Variants in MYADML2 observed in about 807,000 individuals in gnomAD.
The protein encoded by MYADML2 is myeloid-associated differentiation marker-like protein 2.
A neutral mutation model predicts 16.0 loss-of-function variants in MYADML2; 17 were observed. The observed-to-expected ratio is 1.06, with a 90% CI of 0.73 to 1.60. The LOEUF (loss-of-function observed/expected upper bound fraction) is 1.60. Ranked by LOEUF, MYADML2 falls within the 40% of genes most tolerant of loss-of-function variation. MYADML2 has a pLI of 0.00. For missense variants in MYADML2, 422 were observed against 437.7 expected, an observed-to-expected ratio of 0.96 and a Z score of 0.32; for synonymous variants, 210 against 208.1, an observed-to-expected ratio of 1.01 and a Z score of -0.08.
At position 81,941,088 on chromosome 17, in the gene MYADML2, GCC is replaced by G; in HGVS notation, c.652_653del (p.Gly218ProfsTer10). 1 of 1,550,350 alleles carries G rather than the reference GCC, an allele frequency of 6.5e-7. No homozygotes were observed. The highest frequency in any genetic ancestry group is 2.4e-5 in the East Asian group (1 of 40,922). On this transcript the variant is annotated frameshift_variant, in exon 3 of 3. Coordinates refer to ENST00000409745, the MANE Select transcript of MYADML2 (RefSeq NM_001145113.3). LOFTEE classifies it high-confidence loss of function. ...TVAVVALSVM[G>X]HTGGLGCPFD... ...AGGGGCAGCCCAGGCCCCCTGTGTG[GCC>G]CATCACACTCAGGGCCACCACGGCC...
At chr17:81,945,853 T>C (rs953611559) in intron 1 of MYADML2, among the ~76,000 whole-genome samples, 2 of 151,694 alleles carry the variant, frequency 1.3e-5, no homozygotes, top group African/African-American at 4.9e-5. Flanking sequence ...GGCAACACAA[T>C]GAAACCCCAT....
In MYADML2 at chr17:81,941,435, C is replaced by T; in HGVS notation, c.307G>A (p.Ala103Thr). ...GCAAAGTACAGCGGATACAGGACCG[C>T]AGCCGTCGCGCATAGCAGGGTGGCC... The part of the protein sequence containing the change: ...MLATLLCATA[A>T]VLYPLYFARR... The change falls in exon 3 of 3, where the codon GCG (alanine) becomes ACG (threonine). Residue 103 changes from alanine to threonine, a missense_variant. Transcript: ENST00000409745. 1 of 1,549,478 alleles carries T rather than the reference C, an allele frequency of 6.5e-7. No homozygotes were observed. The highest frequency in any genetic ancestry group is 8.7e-7 in the Non-Finnish European group (1 of 1,146,670).
Position 81,941,700 on chromosome 17 carries a change from G to C in MYADML2, c.42C>G (p.His14Gln), listed in dbSNP as rs755921357. 3.9e-6 allele frequency: 6 copies of C among 1,542,950 alleles called. No homozygotes were observed. The African/African-American group carries it at 5.5e-5, about 14-fold the overall frequency. The change falls in exon 3 of 3, where the codon CAC becomes CAG. Residue 14 changes from histidine to glutamine, a missense_variant. Coordinates refer to ENST00000409745, the MANE Select transcript of MYADML2 (RefSeq NM_001145113.3). Reference sequence around the variant, plus strand: ...CCACAGGGGATGTCACGGCGCCCAGGTGCAGGTACGCACCCCCAGGGGGCT... The same window carrying C: ...CCACAGGGGATGTCACGGCGCCCAGCTGCAGGTACGCACCCCCAGGGGGCT... ...TMEPPGGAYL[H>Q]LGAVTSPVGT...
chr17:81,942,080 T>C lies in MYADML2; in HGVS notation c.-103+216A>G. ...CCCCCACCTCCGCCTCCCGCGCACC[T>C]GCATCTGTCAATCCGGTCAGTTGGT... is the stretch of plus-strand genomic sequence containing the variant. On this transcript the variant is annotated intron_variant, in intron 2 of 2. Transcript: ENST00000409745. This position sits in a 1 kb window ranked among gnomAD's most constrained non-coding sequence, Gnocchi z 4.4. The C allele has an allele frequency of 4.2e-6, 1 of 239,982 alleles. No individual in the cohort carries two copies. Among genetic ancestry groups the C allele is most frequent in the Non-Finnish European group, 8.1e-6 (1 of 124,024 alleles). The allele number at this position is 239,982 out of a possible 1,614,324, so 14.9% of individuals were successfully genotyped here.
rs2041302261 is a variant in MYADML2 at position 81,941,386 on chromosome 17, G to A, written c.356C>T (p.Pro119Leu). Reference protein sequence around the residue: ...YFARRECSPEPAGCAARDFRL... With the variant: ...YFARRECSPELAGCAARDFRL... ...GAAGTCCCTGGCAGCACAGCCGGCG[G>A]GCTCGGGGGAACACTCCCGCCGGGC... Residue 119 changes from proline to leucine, a missense_variant, in exon 3 of 3, where the codon CCC becomes CTC. Transcript: ENST00000409745. 6.5e-7 allele frequency: 1 copy of A among 1,548,882 alleles called. No homozygotes were observed. The highest frequency in any genetic ancestry group is 2.4e-5 in the East Asian group (1 of 40,886).
intron 1 of MYADML2, among the ~76,000 whole-genome samples, chr17:81,945,735 T>G (rs928514144): frequency 6.8e-5 from 10 of 147,854 alleles, no homozygotes; most frequent in Non-Finnish European, 1.3e-4. Context: ...GGCGTGGTGG[T>G]GCACATCCGT....
rs144129804 is a variant in MYADML2 at position 81,944,841 on chromosome 17, A to G, written c.-181+2218T>C. ...TGAAGTCTCCATAAAACCCAAAAGGACAGGGTTGGGAGGTTTCCAGGTGGC... is the reference window on the plus strand; with the variant it reads ...TGAAGTCTCCATAAAACCCAAAAGGGCAGGGTTGGGAGGTTTCCAGGTGGC... On this transcript the variant is annotated intron_variant, in intron 1 of 2. Coordinates refer to ENST00000409745, the MANE Select transcript of MYADML2 (RefSeq NM_001145113.3). 1.5e-3 allele frequency among the ~76,000 whole-genome samples: 223 copies of G among 152,298 alleles called. 3 individuals are homozygous for G. The highest frequency in any genetic ancestry group is 5.3e-3 in the African/African-American group (219 of 41,568).
rs569090810 is a variant in MYADML2, at chr17:81,941,235, G to C, written c.507C>G (p.Ile169Met). ...TGATGCAGGCCACGAAGGCCTGGAC[G>C]ATCTTGAGGAGCCCCGACACCGTGG... ...YMATVSGLLK[I>M]VQAFVACIIF... is the part of the protein sequence containing the mutation. The change falls in exon 3 of 3, where the codon ATC becomes ATG. Residue 169 changes from isoleucine to methionine, a missense_variant. By Grantham distance (10) the Ile-to-Met change is conservative. Transcript: ENST00000409745. The C allele has an allele frequency of 1.3e-6, 2 of 1,550,046 alleles. No individual in the cohort carries two copies. Among genetic ancestry groups the C allele is most frequent in the Admixed American group, 3.9e-5 (2 of 50,988 alleles).
At chr17:81,945,226 C>G (rs1462051042) in intron 1 of MYADML2, among the ~76,000 whole-genome samples, 1 of 150,718 alleles carries the variant, frequency 6.6e-6, no homozygotes. Flanking sequence ...CATGGTAAAA[C>G]TCTGTCTATA....
chr17:81,945,003 C>T (rs1174308875), intron 1 of MYADML2, among the ~76,000 whole-genome samples: 1 of 152,148 alleles, frequency 6.6e-6, no homozygotes, highest in Non-Finnish European at 1.5e-5. Context: ...CGGTGGCTGA[C>T]GCCTGTCATC....
At chr17:81,944,309 G>A (rs1404626322) in intron 1 of MYADML2, among the ~76,000 whole-genome samples, 1 of 151,750 alleles carries the variant, frequency 6.6e-6, no homozygotes, top group East Asian at 1.9e-4. Context: ...CCAGCTCCTC[G>A]GGAGGCTGAG....
At chr17:81,945,437 G>A (rs1348910390) in intron 1 of MYADML2, among the ~76,000 whole-genome samples, 2 of 152,034 alleles carry the variant, frequency 1.3e-5, no homozygotes, top group Non-Finnish European at 2.9e-5. Flanking sequence ...TACTCAGGAG[G>A]CTGAGGCAGG....
In MYADML2 at chr17:81,942,960, C is replaced by T. The variant is rs1042849967; in HGVS notation, c.-180-587G>A. Among the ~76,000 whole-genome samples, 3 of 152,194 alleles carry T rather than the reference C, an allele frequency of 2.0e-5. No individual in the cohort carries two copies. The highest frequency in any genetic ancestry group is 7.2e-5 in the African/African-American group (3 of 41,436). On this transcript the variant is annotated intron_variant, in intron 1 of 2. Coordinates refer to ENST00000409745, the MANE Select transcript of MYADML2 (RefSeq NM_001145113.3). The surrounding 1 kb of genome is among the most constrained non-coding windows in gnomAD (Gnocchi z 4.4). ...TCCCAGGCTCAAGTGATCCTCCTGCCTCAGCCTTTTTATTTATTTACTTAT... is the reference window on the plus strand; with the variant it reads ...TCCCAGGCTCAAGTGATCCTCCTGCTTCAGCCTTTTTATTTATTTACTTAT...
In MYADML2 at chr17:81,947,073, A is replaced by T. The variant is rs1339860498; in HGVS notation, c.-195T>A. 1 of 152,242 alleles carries T rather than the reference A, an allele frequency of 6.6e-6. No individual in the cohort carries two copies. The highest frequency in any genetic ancestry group is 1.5e-5 in the Non-Finnish European group (1 of 68,036). 9.4% of individuals were successfully genotyped at this position (152,242 alleles called of 1,614,324 possible). ...AATTTACATACCAGGTGTTATAAGT[A>T]ATCAAGAGGTGATTTAAGTCCAGAG... On this transcript the variant is annotated 5_prime_UTR_variant, in exon 1 of 3. Transcript: ENST00000409745.
In MYADML2 at chr17:81,946,472, C is replaced by T. The variant is rs566338422; in HGVS notation, c.-181+587G>A. ...GACCATCCTGGCCAACGTGGTGAAA[C>T]CCCGTCTCTACTAAAAATACAAAAA... is the stretch of plus-strand genomic sequence containing the variant. On this transcript the variant is annotated intron_variant, in intron 1 of 2. Coordinates refer to ENST00000409745, the MANE Select transcript of MYADML2 (RefSeq NM_001145113.3). 2.2e-4 allele frequency among the ~76,000 whole-genome samples: 34 copies of T among 151,330 alleles called. No homozygotes were observed. In the South Asian group the frequency reaches 4.2e-3, roughly 19 times the overall value.
At chr17:81,944,076 C>T (rs2143925235) in intron 1 of MYADML2, among the ~76,000 whole-genome samples, 1 of 150,814 alleles carries the variant, frequency 6.6e-6, no homozygotes, top group East Asian at 2.0e-4. Context: ...CACGCCATTG[C>T]ACTCCAGCCT....
chr17:81,941,220 C>G lies in MYADML2; in HGVS notation c.522G>C (p.Val174=). Residue 174 remains valine (V), a synonymous_variant, in exon 3 of 3, where the codon GTG becomes GTC. Transcript: ENST00000409745. ...CCAGCGCCCCGAAGATGATGCAGGC[C>G]ACGAAGGCCTGGACGATCTTGAGGA... is the stretch of plus-strand genomic sequence containing the variant. ...SGLLKIVQAF[V]ACIIFGALVH... is the part of the protein sequence containing the mutation. 1 of 1,550,162 alleles carries G rather than the reference C, an allele frequency of 6.5e-7. No individual in the cohort carries two copies. The highest frequency in any genetic ancestry group is 8.7e-7 in the Non-Finnish European group (1 of 1,146,924).
Position 81,940,810 on chromosome 17 carries a change from A to G in MYADML2, c.*8T>C. ...AGAGAGCAGAGGTGGGTGGGCTGCC[A>G]CTGTGGGCTACAGGCTGGGCACGAA... On this transcript the variant is annotated 3_prime_UTR_variant, in exon 3 of 3. Coordinates refer to ENST00000409745, the MANE Select transcript of MYADML2 (RefSeq NM_001145113.3). 2 of 1,489,032 alleles carry G rather than the reference A, an allele frequency of 1.3e-6. No individual in the cohort carries two copies. Among genetic ancestry groups the G allele is most frequent in the South Asian group, 1.3e-5 (1 of 74,558 alleles). The allele number at this position is 1,489,032 out of a possible 1,614,324, so 92.2% of individuals were successfully genotyped here. A position where few individuals can be genotyped will look rare whatever the true frequency, so the allele number is the denominator to read the frequency against.
In MYADML2 at chr17:81,941,763, T is replaced by C; in HGVS notation, c.-22A>G. 6.7e-7 allele frequency: 1 copy of C among 1,485,140 alleles called. No individual in the cohort carries two copies. Among genetic ancestry groups the C allele is most frequent in the Non-Finnish European group, 9.0e-7 (1 of 1,113,450 alleles). 92.0% of individuals were successfully genotyped at this position (1,485,140 alleles called of 1,614,324 possible). ...CCATCTGGCCAGCCACGTTTCCAGC[T>C]CACACAGTCCCCCAAGGCCCTGGGG... On this transcript the variant is annotated 5_prime_UTR_variant, in exon 3 of 3. Transcript: ENST00000409745.
Sources: allele counts gnomAD v4.1 joint callset (sites outside exome capture counted in the v4.1 genomes callset), GRCh38; gene constraint gnomAD v4.1.1; non-coding constraint Gnocchi (gnomAD v3.1); transcripts MANE v1.5; gene names NCBI Gene and HGNC (gene_info 2026-07-23, HGNC 2026-07-21).